The following LRRC43 variants were observed in gnomAD, a reference collection of about 807,000 sequenced individuals.
LRRC43 encodes leucine rich repeat containing 43.
A neutral mutation model predicts 64.3 loss-of-function variants in LRRC43; 62 were observed. That is an observed-to-expected ratio of 0.96 (90% CI 0.79 to 1.19). LRRC43 has a LOEUF of 1.19. LRRC43 is among the 50% of genes most tolerant of loss of function. LRRC43 has a pLI of 0.00. For missense variants in LRRC43, 868 were observed against 845.0 expected (o/e 1.03, Z -0.34); for synonymous variants, 422 against 382.3 (o/e 1.10, Z -1.21).
At chr12:122,176,287 C>T (rs1187607895) in intron 1 of LRRC43, among the ~76,000 whole-genome samples, 1 of 152,044 alleles carries the variant, frequency 6.6e-6, no homozygotes, top group African/African-American at 2.4e-5. Context: ...GCAAAATCCT[C>T]AGGTGAAAAT....
rs1385988067 is a variant in LRRC43 at position 122,192,891 on chromosome 12, G to A, written c.1236G>A (p.Ser412=). 3.1e-6 allele frequency: 5 copies of A among 1,614,154 alleles called. No individual in the cohort carries two copies. The highest frequency in any genetic ancestry group is 1.7e-5 in the Admixed American group (1 of 60,016). Residue 412 remains serine (S), a synonymous_variant, in exon 7 of 12, where the codon TCG becomes TCA. Coordinates refer to ENST00000339777, the MANE Select transcript of LRRC43 (RefSeq NM_001098519.2). ...LESEVEESGE[S]ELSVISGPST... is the part of the protein sequence containing the mutation. ...CTGAGGTGGAGGAGTCAGGAGAGTC[G>A]GAGCTGTCTGTCATCTCGGGGCCTT...
At position 122,191,570 on chromosome 12, in the gene LRRC43, G is replaced by A; in HGVS notation, c.1089+3G>A. ...AGTCCGCGGGCGTCCTGGCCGAGGT[G>A]TGCCCTGGTCTGTCCCTAGGAGTAT... On this transcript the variant is annotated splice_donor_region_variant and intron_variant, in intron 6 of 11. Transcript: ENST00000339777. 2.5e-6 allele frequency: 4 copies of A among 1,613,284 alleles called. No individual in the cohort carries two copies. Among genetic ancestry groups the A allele is most frequent in the Non-Finnish European group, 3.4e-6 (4 of 1,179,484 alleles).
At chr12:122,173,745 A>G (rs1301381544) in intron 1 of LRRC43, 41 of 1,049,270 alleles carry the variant, frequency 3.9e-5, no homozygotes, top group Admixed American at 8.5e-5. Context: ...TGGCATAGCT[A>G]CAGCCCTGGT....
rs548078047 is a variant in LRRC43, at chr12:122,200,104, G to A, written c.1350-85G>A. The stretch of plus-strand genomic sequence containing the variant: ...GGGCTTCGATGCTCGTGGTCTCCTC[G>A]GATGTCCCCTCACAGTCCTGTCCCG... On this transcript the variant is annotated intron_variant, in intron 7 of 11. Coordinates refer to ENST00000339777, the MANE Select transcript of LRRC43 (RefSeq NM_001098519.2). This position sits in a 1 kb window ranked among gnomAD's most constrained non-coding sequence, Gnocchi z 4.6. 102 of 1,454,300 alleles carry A rather than the reference G, an allele frequency of 7.0e-5. No individual in the cohort carries two copies. Among genetic ancestry groups the A allele is most frequent in the Middle Eastern group, 3.6e-4 (2 of 5,536 alleles). The allele number at this position is 1,454,300 out of a possible 1,614,324, so 90.1% of individuals were successfully genotyped here.
chr12:122,194,308 A>T (rs1353066481), intron 7 of LRRC43, among the ~76,000 whole-genome samples: 1 of 151,558 alleles, frequency 6.6e-6, no homozygotes, highest in Non-Finnish European at 1.5e-5. Flanking sequence ...GTTGTGGCTC[A>T]TGCCTGTAAT....
chr12:122,187,056 A>G (rs1383851130), intron 3 of LRRC43, among the ~76,000 whole-genome samples: 1 of 151,818 alleles, frequency 6.6e-6, no homozygotes, highest in Non-Finnish European at 1.5e-5. Context: ...CAACATAGGA[A>G]TATCCCCTCT....
chr12:122,203,276 C>A, intron 11 of LRRC43, 39 bp from the exon 12 acceptor site: 1 of 1,598,738 alleles, frequency 6.3e-7, no homozygotes, highest in South Asian at 1.1e-5. Context: ...CCAGCCCATC[C>A]GTCTCCCGGG....
intron 11 of LRRC43, chr12:122,202,124 T>C (rs1768177843): frequency 6.6e-6 from 1 of 152,148 alleles, no homozygotes; most frequent in South Asian, 2.1e-4. Flanking sequence ...GGAGGGCATA[T>C]GCTGCTGGAC....
upstream of LRRC43, among the ~76,000 whole-genome samples, chr12:122,182,690 C>A (rs149193965): frequency 7.1e-3 from 1,083 of 152,096 alleles, 15 homozygotes; most frequent in African/African-American, 0.025. Context: ...GAGACTCTGT[C>A]TCAATAAAAT....
chr12:122,183,946 G>T (rs1381066931), intron 1 of LRRC43, among the ~76,000 whole-genome samples: 1 of 151,856 alleles, frequency 6.6e-6, no homozygotes, highest in Non-Finnish European at 1.5e-5. Flanking sequence ...TCACCATGTT[G>T]CCCAGGCTGG....
intron 5 of LRRC43, among the ~76,000 whole-genome samples, 177 bp downstream of exon 5, chr12:122,190,545 T>G (rs570082643): frequency 4.6e-5 from 7 of 152,254 alleles, no homozygotes; most frequent in African/African-American, 1.7e-4. Context: ...CTTTGATTCC[T>G]GTGATTGGGA....
chr12:122,189,364 C>T, intron 4 of LRRC43: 2 of 453,986 alleles, frequency 4.4e-6, no homozygotes, highest in South Asian at 1.6e-5. Context: ...GGGAAGCCCC[C>T]TCTCTGACCC....
At chr12:122,194,481 G>T (rs1396551834) in intron 7 of LRRC43, among the ~76,000 whole-genome samples, 3 of 150,958 alleles carry the variant, frequency 2.0e-5, no homozygotes, top group Non-Finnish European at 4.4e-5. Context: ...CAGGAGAATT[G>T]CTTGAACCCA....
chr12:122,199,892 A>C (rs955129626), intron 7 of LRRC43, among the ~76,000 whole-genome samples: 1 of 152,162 alleles, frequency 6.6e-6, no homozygotes, highest in Non-Finnish European at 1.5e-5. Context: ...CCCTTTGCTG[A>C]ACTTTTAACA....
chr12:122,177,812 T>TTTTTTTTATTTATTTA (rs1555238117), intron 1 of LRRC43, among the ~76,000 whole-genome samples: 2 of 138,492 alleles, frequency 1.4e-5, no homozygotes, highest in Admixed American at 1.5e-4. Flanking sequence ...ACCTTTGTGG[T>TTTTTTTTATTTATTTA]TTTATTTATT....
chr12:122,198,710 A>G (rs1000761608), intron 7 of LRRC43, among the ~76,000 whole-genome samples: 1 of 144,068 alleles, frequency 6.9e-6, no homozygotes, highest in Admixed American at 7.0e-5. Context: ...GCTCACTGCA[A>G]CCTCCACCTC....
chr12:122,199,737 C>T (rs556414682), intron 7 of LRRC43, among the ~76,000 whole-genome samples: 1 of 152,228 alleles, frequency 6.6e-6, no homozygotes, highest in East Asian at 1.9e-4. Context: ...CCATGTGCCA[C>T]CACGCCCAGC....
At chr12:122,175,875 C>T (rs183674745) in intron 1 of LRRC43, among the ~76,000 whole-genome samples, 3 of 152,246 alleles carry the variant, frequency 2.0e-5, no homozygotes, top group African/African-American at 7.2e-5. Context: ...CCATGTTGGC[C>T]AGGCTGGCCT....
chr12:122,172,342 C>T, intron 1 of LRRC43: 1 of 1,129,050 alleles, frequency 8.9e-7, no homozygotes, highest in Non-Finnish European at 1.3e-6. Context: ...GGCAGAGTTC[C>T]CACACTTAGC....
Sources: gnomAD v4.1 joint callset for allele counts (sites outside exome capture counted in the v4.1 genomes callset) on GRCh38, gnomAD v4.1.1 for gene constraint, Gnocchi (gnomAD v3.1) non-coding constraint, MANE v1.5 for transcripts, NCBI Gene and HGNC (gene_info 2026-07-23, HGNC 2026-07-21) for gene names.